The following RAB37 variants were observed in gnomAD, a reference collection of about 807,000 sequenced individuals.
RAB37 encodes ras-related protein Rab-37.
RAB37 carries 29 observed loss-of-function variants against 33.1 expected under a neutral mutation model. The observed-to-expected ratio is 0.88, with a 90% CI of 0.65 to 1.20. The LOEUF is 1.20. Among genes scored for constraint, RAB37 ranks in the 50% most tolerant of loss-of-function variants. The pLI, the probability that RAB37 is intolerant of heterozygous loss-of-function variation, is 0.00. For synonymous variants in RAB37, 128 were observed against 119.5 expected (o/e 1.07, Z -0.47); for missense variants, 299 against 301.1 (o/e 0.99, Z 0.05).
At chr17:74,675,086 A>G (rs917198735) in intron 1 of RAB37, among the ~76,000 whole-genome samples, 3 of 152,224 alleles carry the variant, frequency 2.0e-5, no homozygotes, top group African/African-American at 7.2e-5. Flanking sequence ...ATTTTTGAGC[A>G]AGGATGTTAG....
At chr17:74,684,536 C>G (rs753870428) in intron 1 of RAB37, among the ~76,000 whole-genome samples, 8 of 151,822 alleles carry the variant, frequency 5.3e-5, no homozygotes, top group Admixed American at 2.0e-4. Context: ...GCCTATAATC[C>G]CAGCACTTTC....
At chr17:74,727,692 A>G (rs1210589885) in intron 1 of RAB37, among the ~76,000 whole-genome samples, 1 of 152,262 alleles carries the variant, frequency 6.6e-6, no homozygotes, top group African/African-American at 2.4e-5. Context: ...TCTGAGAGAC[A>G]CATTCTCATG....
Position 74,738,380 on chromosome 17 carries a change from G to A in RAB37, c.93+1015G>A, listed in dbSNP as rs1439345051. ...CCGTTGAGATAGGCGTCCTGTGTGG[G>A]CTTGTGGCAGGAAATGGGCCCCTGC... is the stretch of plus-strand genomic sequence containing the variant. On this transcript the variant is annotated intron_variant, in intron 1 of 8. Transcript: ENST00000392613. This position sits in a 1 kb window ranked among gnomAD's most constrained non-coding sequence, Gnocchi z 5.0. 1.3e-5 allele frequency among the ~76,000 whole-genome samples: 2 copies of A among 152,178 alleles called. No individual in the cohort carries two copies. Among genetic ancestry groups the A allele is most frequent in the Admixed American group, 6.5e-5 (1 of 15,278 alleles).
intron 1 of RAB37, chr17:74,696,279 A>T: frequency 6.6e-7 from 1 of 1,523,874 alleles, no homozygotes; most frequent in South Asian, 1.3e-5. Context: ...AAGAACCCCC[A>T]GGTCTAGGGA....
chr17:74,735,973 A>C (rs1446094957), upstream of RAB37, among the ~76,000 whole-genome samples: 2 of 152,172 alleles, frequency 1.3e-5, no homozygotes, highest in Non-Finnish European at 2.9e-5. Context: ...TGGGAGGCTG[A>C]GGTGGGCGGA....
chr17:74,745,645 A>G lies in RAB37; in HGVS notation c.*234A>G. 2.3e-6 allele frequency: 1 copy of G among 437,510 alleles called. No homozygotes were observed. The highest frequency in any genetic ancestry group is 3.7e-5 in the South Asian group (1 of 26,674). The allele number at this position is 437,510 out of a possible 1,614,324, so 27.1% of individuals were successfully genotyped here. A position where few individuals can be genotyped will look rare whatever the true frequency, so the allele number is the denominator to read the frequency against. On this transcript the variant is annotated 3_prime_UTR_variant, in exon 9 of 9. Coordinates refer to ENST00000392613, the MANE Select transcript of RAB37 (RefSeq NM_001006638.3). The surrounding 1 kb of genome is among the most constrained non-coding windows in gnomAD (Gnocchi z 4.5). ...TTATTTTAATAGTACATAATTTAAT[A>G]CCAAAAAAGGCGCCTGGATCCCCAA... is the stretch of plus-strand genomic sequence containing the variant.
At chr17:74,688,348 G>A (rs1438672135) in intron 1 of RAB37, among the ~76,000 whole-genome samples, 2 of 152,042 alleles carry the variant, frequency 1.3e-5, no homozygotes, top group African/African-American at 4.8e-5. Flanking sequence ...TCAGGAGTTC[G>A]AGACCAGCCT....
At chr17:74,714,427 A>ACG (rs1277539127) in intron 1 of RAB37, among the ~76,000 whole-genome samples, 73 of 151,462 alleles carry the variant, frequency 4.8e-4, no homozygotes, top group African/African-American at 1.7e-3. Context: ...ACACACACAC[A>ACG]CACACACGCA....
chr17:74,707,690 G>A (rs1360975630), intron 1 of RAB37, among the ~76,000 whole-genome samples: 3 of 148,910 alleles, frequency 2.0e-5, no homozygotes, highest in Non-Finnish European at 3.0e-5. Flanking sequence ...ATTCCAGCCC[G>A]AGCAACAGAG....
At chr17:74,727,815 T>C (rs1205070550) in intron 1 of RAB37, among the ~76,000 whole-genome samples, 2 of 152,190 alleles carry the variant, frequency 1.3e-5, no homozygotes, top group Non-Finnish European at 1.5e-5. Context: ...TCTGGGTGTA[T>C]GTGTGGGTAT....
At chr17:74,710,586 C>T (rs745818695) in intron 1 of RAB37, among the ~76,000 whole-genome samples, 38 of 151,706 alleles carry the variant, frequency 2.5e-4, no homozygotes, top group Non-Finnish European at 4.0e-4. Context: ...AGGCTGGGCG[C>T]GGTGGCTCAC....
At chr17:74,726,150 G>A (rs1428072085) in intron 1 of RAB37, among the ~76,000 whole-genome samples, 1 of 151,154 alleles carries the variant, frequency 6.6e-6, no homozygotes, top group Non-Finnish European at 1.5e-5. Flanking sequence ...CAGAAGAATA[G>A]CTTGAACTCG....
At chr17:74,675,378 T>G (rs1281784659) in intron 1 of RAB37, among the ~76,000 whole-genome samples, 1 of 150,768 alleles carries the variant, frequency 6.6e-6, no homozygotes, top group Non-Finnish European at 1.5e-5. Flanking sequence ...GAGGTTGCAG[T>G]GAACCAAGAT....
chr17:74,672,073 C>T (rs1220592831), intron 1 of RAB37, among the ~76,000 whole-genome samples: 1 of 152,184 alleles, frequency 6.6e-6, no homozygotes, highest in African/African-American at 2.4e-5. Context: ...AAATGGTCTG[C>T]AGCAGAGATG....
Position 74,717,089 on chromosome 17 carries a change from C to T in RAB37, c.73-12167C>T, listed in dbSNP as rs185309822. ...GGCAGAGGTTGCAGTGAGCTGAGAT[C>T]GCACCATTGCATTCCAGCCTGGGCA... On this transcript the variant is annotated intron_variant, in intron 1 of 7. Coordinates refer to the RAB37 transcript ENST00000340415. Among the ~76,000 whole-genome samples the T allele has an allele frequency of 1.8e-4, 27 of 152,254 alleles. No individual in the cohort carries two copies. The East Asian group carries it at 4.2e-3, about 24-fold the overall frequency.
intron 1 of RAB37, among the ~76,000 whole-genome samples, chr17:74,700,164 TAAATAAACAAAC>T (rs1298060620): frequency 6.0e-5 from 9 of 149,690 alleles, no homozygotes; most frequent in Admixed American, 4.7e-4. Flanking sequence ...AATAAATAAA[TAAATAAACAAAC>T]AAACAAACAA....
At chr17:74,728,730 G>T (rs1186470125) in intron 1 of RAB37, among the ~76,000 whole-genome samples, 1 of 151,902 alleles carries the variant, frequency 6.6e-6, no homozygotes, top group Non-Finnish European at 1.5e-5. Flanking sequence ...GTGCATATAT[G>T]TGTACATGTG....
chr17:74,687,936 G>T (rs1247121246), intron 1 of RAB37, among the ~76,000 whole-genome samples: 1 of 152,156 alleles, frequency 6.6e-6, no homozygotes, highest in African/African-American at 2.4e-5. Context: ...TCCTTTCTTA[G>T]GAAATACTGT....
chr17:74,698,334 C>T (rs1187792954), intron 1 of RAB37: 4 of 1,463,162 alleles, frequency 2.7e-6, no homozygotes, highest in Non-Finnish European at 3.8e-6. Context: ...GCCACCCGGC[C>T]CAGTCTCAGC....
Sources: gnomAD v4.1 joint callset for allele counts (sites outside exome capture counted in the v4.1 genomes callset) on GRCh38, gnomAD v4.1.1 for gene constraint, Gnocchi (gnomAD v3.1) non-coding constraint, MANE v1.5 for transcripts, NCBI Gene and HGNC (gene_info 2026-07-23, HGNC 2026-07-21) for gene names.